Variants in SVOP observed in about 807,000 individuals in gnomAD.
SVOP encodes synaptic vesicle 2-related protein.
Under a neutral mutation model 69.1 loss-of-function variants are expected in SVOP, and 17 were observed. The ratio of observed to expected loss-of-function variants is 0.25; its 90% CI spans 0.17 to 0.37. The LOEUF is 0.37. SVOP is among the 10% of genes least tolerant of loss of function. SVOP has a pLI of 1.00. For missense variants in SVOP, 435 were observed against 597.5 expected (o/e 0.73, Z 2.84); for synonymous variants, 238 against 238.6 (o/e 1.00, Z 0.02).
intron 11 of SVOP, among the ~76,000 whole-genome samples, chr12:108,930,558 C>T (rs1440574389): frequency 6.6e-6 from 1 of 151,582 alleles, no homozygotes; most frequent in African/African-American, 2.4e-5. Flanking sequence ...CCTCAGCTTC[C>T]TGAGTAGCTG....
intron 2 of SVOP, among the ~76,000 whole-genome samples, chr12:108,983,101 C>G: frequency 6.7e-6 from 1 of 150,018 alleles, no homozygotes. Context: ...TCATCATGAT[C>G]ACCATCATCA....
chr12:108,950,723 C>T (rs1329898484), intron 6 of SVOP, among the ~76,000 whole-genome samples: 1 of 152,126 alleles, frequency 6.6e-6, no homozygotes, highest in African/African-American at 2.4e-5. Context: ...TTCCTCACCT[C>T]GGTAGTATCA....
rs117851302 is a variant in SVOP, at chr12:108,938,350, T to C, written c.897+477A>G. ...ACTAGGTGCTCATTAAGTTTCACCGTGGTGGACTCCCTGATGGTGTTACCA... is the reference window on the plus strand; with the variant it reads ...ACTAGGTGCTCATTAAGTTTCACCGCGGTGGACTCCCTGATGGTGTTACCA... On this transcript the variant is annotated intron_variant, in intron 9 of 15. Coordinates refer to ENST00000610966, the MANE Select transcript of SVOP (RefSeq NM_018711.5). 2.5e-4 allele frequency among the ~76,000 whole-genome samples: 38 copies of C among 152,320 alleles called. 1 individual carries two copies. The East Asian group carries it at 7.1e-3, about 29-fold the overall frequency.
In SVOP at chr12:108,934,283, A is replaced by G. The variant is rs372584732; in HGVS notation, c.972-12T>C. On this transcript the variant is annotated splice_polypyrimidine_tract_variant and intron_variant, in intron 10 of 15. Transcript: ENST00000610966. ...ATGCATTGGAAAACCTGCCAGGAGA[A>G]AGCAAGAAAGGTAAAGAAATGATCA... The G allele has an allele frequency of 3.6e-4, 572 of 1,591,474 alleles. 2 individuals are homozygous for G. The African/African-American group carries it at 7.2e-3, about 20-fold the overall frequency.
chr12:109,000,134 C>T (rs1218812264), intron 1 of SVOP, among the ~76,000 whole-genome samples: 1 of 152,200 alleles, frequency 6.6e-6, no homozygotes, highest in Admixed American at 6.5e-5. Context: ...GGGATATCAG[C>T]ACCGATCCCA....
At chr12:108,927,120 G>T (rs2039785002) in intron 11 of SVOP, among the ~76,000 whole-genome samples, 1 of 152,150 alleles carries the variant, frequency 6.6e-6, no homozygotes, top group Non-Finnish European at 1.5e-5. Flanking sequence ...TGTTGGTATT[G>T]CCTGCCCCTC....
At chr12:109,007,564 A>T (rs1414516554) in intron 1 of SVOP, among the ~76,000 whole-genome samples, 1 of 152,232 alleles carries the variant, frequency 6.6e-6, no homozygotes, top group African/African-American at 2.4e-5. Context: ...TGGCTGCTTT[A>T]GGAGGCAGTG....
intron 1 of SVOP, among the ~76,000 whole-genome samples, chr12:109,015,590 T>C (rs1593211598): frequency 6.7e-6 from 1 of 148,322 alleles, no homozygotes; most frequent in Non-Finnish European, 1.5e-5. Flanking sequence ...GGCGGGAGGG[T>C]CACTTGGAGC....
chr12:109,010,800 C>T (rs1398170518), intron 1 of SVOP, among the ~76,000 whole-genome samples: 2 of 151,856 alleles, frequency 1.3e-5, no homozygotes, highest in African/African-American at 2.4e-5. Flanking sequence ...TTGCACCTGG[C>T]CCAAACTGTT....
At chr12:108,977,637 A>G (rs2040114157) in intron 3 of SVOP, 141 bp from the exon 4 acceptor site, 3 of 559,614 alleles carry the variant, frequency 5.4e-6, no homozygotes, top group Non-Finnish European at 9.8e-6. Context: ...ACATCAAACC[A>G]CACTCAAAGC....
intron 3 of SVOP, among the ~76,000 whole-genome samples, 170 bp from the exon 4 acceptor site, chr12:108,977,666 G>T (rs36182807): frequency 0.57 from 86,195 of 152,070 alleles, 26,305 homozygotes; most frequent in South Asian, 0.7. Context: ...TTAAAACCAT[G>T]CATTACCATT....
At chr12:109,018,671 T>A (rs2040381228) in intron 1 of SVOP, among the ~76,000 whole-genome samples, 2 of 152,228 alleles carry the variant, frequency 1.3e-5, no homozygotes, top group African/African-American at 4.8e-5. Context: ...ACTCTTTTTT[T>A]AGAAATTGAG....
chr12:108,926,067 C>T (rs1365191181), intron 11 of SVOP, among the ~76,000 whole-genome samples: 1 of 152,012 alleles, frequency 6.6e-6, no homozygotes, highest in Non-Finnish European at 1.5e-5. Flanking sequence ...CACAGGCACA[C>T]ACCACCAGGC....
Position 108,961,014 on chromosome 12 carries a change from A to G in SVOP, c.487T>C (p.Tyr163His). Residue 163 changes from tyrosine to histidine, a missense_variant, in exon 6 of 16, where the codon TAT (tyrosine) becomes CAT (histidine). By Grantham distance (83) the Tyr-to-His change is moderately conservative. Transcript: ENST00000610966. ...LKISVLWTLY[Y>H]GILSAFAPVY... ...GGCGCAAATGCACTAAGGATGCCATAGTACAGAGTCCACAGCACGCTGATC... is the reference window on the plus strand; with the variant it reads ...GGCGCAAATGCACTAAGGATGCCATGGTACAGAGTCCACAGCACGCTGATC... 6.5e-7 allele frequency: 1 copy of G among 1,537,096 alleles called. No homozygotes were observed. Among genetic ancestry groups the G allele is most frequent in the African/African-American group, 1.4e-5 (1 of 73,158 alleles).
chr12:108,960,789 G>T, intron 6 of SVOP, 134 bp downstream of exon 6: 1 of 1,091,526 alleles, frequency 9.2e-7, no homozygotes, highest in Non-Finnish European at 1.3e-6. Context: ...ATAGCTCCTT[G>T]ATCCTGGAAG....
intron 9 of SVOP, 96 bp from the exon 10 acceptor site, chr12:108,937,433 G>GCTGCGTCCTGT: frequency 8.2e-7 from 1 of 1,224,180 alleles, no homozygotes; most frequent in Non-Finnish European, 1.2e-6. Context: ...AGGCTGGGAG[G>GCTGCGTCCTGT]AAGGTTTCTA....
Position 108,977,497 on chromosome 12 carries a change from C to G in SVOP, c.283-1G>C. The stretch of plus-strand genomic sequence containing the variant: ...TCATCATCTCCATGGCATCAGCCAT[C>G]TGCAGAGAGGACGGAGACATCATGA... On this transcript the variant is annotated splice_acceptor_variant, in intron 3 of 15. Coordinates refer to ENST00000610966, the MANE Select transcript of SVOP (RefSeq NM_018711.5). LOFTEE classifies it high-confidence loss of function. 1 of 1,524,734 alleles carries G rather than the reference C, an allele frequency of 6.6e-7. No individual in the cohort carries two copies. Among genetic ancestry groups the G allele is most frequent in the Non-Finnish European group, 8.8e-7 (1 of 1,135,444 alleles). 94.5% of individuals were successfully genotyped at this position (1,524,734 alleles called of 1,614,324 possible).
At chr12:108,993,687 G>A (rs1415961579) in intron 1 of SVOP, among the ~76,000 whole-genome samples, 1 of 152,210 alleles carries the variant, frequency 6.6e-6, no homozygotes, top group African/African-American at 2.4e-5. Context: ...TGGTGGGGGT[G>A]ACATTTCACG....
chr12:108,912,453 G>A lies in SVOP; in HGVS notation c.*82C>T. On this transcript the variant is annotated 3_prime_UTR_variant, in exon 16 of 16. Coordinates refer to ENST00000610966, the MANE Select transcript of SVOP (RefSeq NM_018711.5). Reference sequence around the variant, plus strand: ...CTTGGGTGAGTTCTTGATGTCGGCAGTGACAATCAGTGCCCCAGTTGGGGC... The same window carrying A: ...CTTGGGTGAGTTCTTGATGTCGGCAATGACAATCAGTGCCCCAGTTGGGGC... The A allele has an allele frequency of 7.5e-6, 12 of 1,593,438 alleles. No individual in the cohort carries two copies. Among genetic ancestry groups the A allele is most frequent in the Non-Finnish European group, 9.4e-6 (11 of 1,167,128 alleles).
Sources: gnomAD v4.1 joint callset for allele counts (sites outside exome capture counted in the v4.1 genomes callset) on GRCh38, gnomAD v4.1.1 for gene constraint, MANE v1.5 for transcripts, NCBI Gene and HGNC (gene_info 2026-07-23, HGNC 2026-07-21) for gene names.